Variants in CCDC192 observed in about 807,000 individuals in gnomAD.
CCDC192 encodes coiled-coil domain-containing protein 192.
intron 2 of CCDC192, among the ~76,000 whole-genome samples, chr5:127,722,198 G>A (rs1295973033): frequency 9.9e-5 from 15 of 151,974 alleles, no homozygotes; most frequent in Admixed American, 3.3e-4. Context: ...TTTGATTTGC[G>A]TTTCTCTGAT....
chr5:127,791,588 C>G (rs1756869320), intron 3 of CCDC192, among the ~76,000 whole-genome samples: 1 of 152,134 alleles, frequency 6.6e-6, no homozygotes, highest in Non-Finnish European at 1.5e-5. Flanking sequence ...AAATTCCTGT[C>G]AGGTCACTGG....
intron 3 of CCDC192, chr5:127,784,550 G>A (rs768648471): frequency 6.9e-6 from 3 of 437,694 alleles, no homozygotes; most frequent in East Asian, 5.8e-5. Flanking sequence ...AACTTGAGTT[G>A]TTTACATTCT....
intron 2 of CCDC192, among the ~76,000 whole-genome samples, chr5:127,730,531 C>A (rs1225720905): frequency 2.6e-5 from 4 of 152,152 alleles, no homozygotes; most frequent in African/African-American, 9.7e-5. Context: ...ATGAGGCCAA[C>A]ATTATCCTGA....
At chr5:127,785,936 C>A in intron 3 of CCDC192, 1 of 470,832 alleles carries the variant, frequency 2.1e-6, no homozygotes, top group South Asian at 2.3e-5. Context: ...TTATGAAGGT[C>A]AAGCACCTTC....
intron 2 of CCDC192, among the ~76,000 whole-genome samples, chr5:127,712,973 G>A (rs997595148): frequency 2.0e-5 from 3 of 152,232 alleles, no homozygotes; most frequent in African/African-American, 2.4e-5. Context: ...AGTGGCTCAC[G>A]CCTGTAATCC....
At chr5:127,857,776 GCTT>G (rs1224607548) in intron 5 of CCDC192, 1 of 152,126 alleles carries the variant, frequency 6.6e-6, no homozygotes, top group African/African-American at 2.4e-5. Flanking sequence ...AGGCATGATT[GCTT>G]CTTCTTCAGA....
intron 2 of CCDC192, among the ~76,000 whole-genome samples, chr5:127,732,639 T>C (rs1752706934): frequency 1.3e-5 from 2 of 152,208 alleles, no homozygotes; most frequent in Admixed American, 1.3e-4. Flanking sequence ...GTGGTACATA[T>C]ACACCATGGA....
chr5:127,918,995 ATATG>A (rs1279473425), intron 6 of CCDC192, among the ~76,000 whole-genome samples: 1 of 149,282 alleles, frequency 6.7e-6, no homozygotes, highest in African/African-American at 2.5e-5. Context: ...GCATGTTTGT[ATATG>A]TGTGTATGTA....
intron 6 of CCDC192, among the ~76,000 whole-genome samples, chr5:127,903,630 C>CCTCCA (rs1468784026): frequency 6.6e-6 from 1 of 152,072 alleles, no homozygotes; most frequent in Non-Finnish European, 1.5e-5. Flanking sequence ...ATGAGTGGAG[C>CCTCCA]CTCCAATAAT....
rs58138119 is a variant in CCDC192 at position 127,813,921 on chromosome 5, G to C, written c.411+15759G>C. Among the ~76,000 whole-genome samples the C allele has an allele frequency of 4.4e-3, 668 of 152,284 alleles. 6 individuals are homozygous for C. Among genetic ancestry groups the C allele is most frequent in the African/African-American group, 0.015 (620 of 41,566 alleles). ...GATACCAGTAAATCACAAAATCCAA[G>C]AAGAGGCAAAGGAATGTAAAACCAA... is the stretch of plus-strand genomic sequence containing the variant. On this transcript the variant is annotated intron_variant, in intron 5 of 6. Transcript: ENST00000514853.
intron 5 of CCDC192, among the ~76,000 whole-genome samples, chr5:127,830,681 T>TG (rs1361911581): frequency 6.6e-6 from 1 of 151,118 alleles, no homozygotes; most frequent in Non-Finnish European, 1.5e-5. Context: ...ATTTGTGAGG[T>TG]GGGGGACACA....
chr5:127,708,195 T>C (rs1751080249), intron 2 of CCDC192, among the ~76,000 whole-genome samples: 1 of 152,224 alleles, frequency 6.6e-6, no homozygotes, highest in Non-Finnish European at 1.5e-5. Flanking sequence ...TCACAGTCTA[T>C]TCCAGATACA....
intron 2 of CCDC192, among the ~76,000 whole-genome samples, chr5:127,711,536 G>A (rs530190283): frequency 6.6e-6 from 1 of 152,072 alleles, no homozygotes; most frequent in Non-Finnish European, 1.5e-5. Flanking sequence ...TTAATACTTA[G>A]TGTAATATAC....
chr5:127,920,738 TG>T (rs199812729), intron 6 of CCDC192, among the ~76,000 whole-genome samples: 1,706 of 152,160 alleles, frequency 0.011, 37 homozygotes, highest in African/African-American at 0.039. Flanking sequence ...AAGTTATTTT[TG>T]CTCACTTTTG....
At chr5:127,852,077 A>G (rs1329801641) in intron 5 of CCDC192, among the ~76,000 whole-genome samples, 2 of 152,214 alleles carry the variant, frequency 1.3e-5, no homozygotes, top group Non-Finnish European at 2.9e-5. Flanking sequence ...GCTGAAGTCA[A>G]TAATTCTTAT....
chr5:127,877,732 A>T (rs1377644377), intron 6 of CCDC192, among the ~76,000 whole-genome samples: 2 of 152,172 alleles, frequency 1.3e-5, no homozygotes, highest in African/African-American at 4.8e-5. Flanking sequence ...ATGTCCAGTA[A>T]CTTTAATACA....
intron 2 of CCDC192, among the ~76,000 whole-genome samples, chr5:127,742,584 T>A (rs777826373): frequency 6.6e-6 from 1 of 152,182 alleles, no homozygotes; most frequent in South Asian, 2.1e-4. Context: ...ATCATTTAGA[T>A]AGGAGGTCTC....
intron 3 of CCDC192, among the ~76,000 whole-genome samples, chr5:127,757,943 G>T (rs763674112): frequency 6.6e-6 from 1 of 151,790 alleles, no homozygotes; most frequent in Non-Finnish European, 1.5e-5. Context: ...GGGAATGCTA[G>T]CTTGCCTTTA....
At chr5:127,911,953 G>A (rs1753371857) in intron 6 of CCDC192, among the ~76,000 whole-genome samples, 1 of 150,674 alleles carries the variant, frequency 6.6e-6, no homozygotes, top group Non-Finnish European at 1.5e-5. Flanking sequence ...ATGGAATTTT[G>A]CTCTGTCGCC....
Sources: gnomAD v4.1 joint callset for allele counts (sites outside exome capture counted in the v4.1 genomes callset) on GRCh38, gnomAD v4.1.1 for gene constraint, MANE v1.5 for transcripts, NCBI Gene and HGNC (gene_info 2026-07-23, HGNC 2026-07-21) for gene names.